Variants in SERPINI1 observed in about 807,000 individuals in gnomAD.
SERPINI1 encodes neuroserpin.
SERPINI1 carries 19 observed loss-of-function variants against 41.1 expected under a neutral mutation model. The ratio of observed to expected loss-of-function variants is 0.46; its 90% CI spans 0.32 to 0.68. The LOEUF (loss-of-function observed/expected upper bound fraction) is 0.68. Among genes scored for constraint, SERPINI1 ranks in the 30% least tolerant of loss-of-function variants. The probability of loss-of-function intolerance (pLI) is 0.03; values close to 1 mark genes in which losing one functional copy is unlikely to be tolerated. For missense variants in SERPINI1, 460 were observed against 479.2 expected (o/e 0.96, Z 0.37); for synonymous variants, 138 against 156.6 (o/e 0.88, Z 0.89).
At chr3:167,741,620 T>C (rs1358995561) in intron 1 of SERPINI1, among the ~76,000 whole-genome samples, 1 of 152,264 alleles carries the variant, frequency 6.6e-6, no homozygotes, top group Non-Finnish European at 1.5e-5. Flanking sequence ...TTGTGGTGTA[T>C]AATTTTTGCC....
At chr3:167,761,686 G>T (rs1726386926) in intron 1 of SERPINI1, among the ~76,000 whole-genome samples, 1 of 152,116 alleles carries the variant, frequency 6.6e-6, no homozygotes, top group African/African-American at 2.4e-5. Context: ...GCCCCATATG[G>T]TAAAACGTAG....
chr3:167,754,671 A>G (rs146033334), intron 1 of SERPINI1, among the ~76,000 whole-genome samples: 6 of 152,368 alleles, frequency 3.9e-5, no homozygotes, highest in East Asian at 3.9e-4. Context: ...TGTTAGAGGT[A>G]TAATCCAGAA....
At chr3:167,784,678 G>C (rs1727247623) in intron 1 of SERPINI1, among the ~76,000 whole-genome samples, 1 of 152,122 alleles carries the variant, frequency 6.6e-6, no homozygotes, top group Non-Finnish European at 1.5e-5. Context: ...AAAACCATCA[G>C]ATCTTGTGAA....
At chr3:167,753,987 G>A (rs1014165500) in intron 1 of SERPINI1, among the ~76,000 whole-genome samples, 2 of 152,132 alleles carry the variant, frequency 1.3e-5, no homozygotes, top group African/African-American at 4.8e-5. Context: ...TTTTTTAAAA[G>A]GGGGAGAGGA....
chr3:167,743,278 T>C (rs1274872678), intron 1 of SERPINI1, among the ~76,000 whole-genome samples: 1 of 152,122 alleles, frequency 6.6e-6, no homozygotes, highest in African/African-American at 2.4e-5. Context: ...ATTTCAAAAA[T>C]GTGAAAAATA....
intron 1 of SERPINI1, among the ~76,000 whole-genome samples, chr3:167,777,529 T>C (rs866424904): frequency 1.7e-4 from 26 of 152,262 alleles, no homozygotes; most frequent in Middle Eastern, 3.4e-3. Context: ...CAGGTGATGT[T>C]GTGGTCCAGG....
chr3:167,742,760 T>C (rs1228363556), intron 1 of SERPINI1, among the ~76,000 whole-genome samples: 1 of 152,090 alleles, frequency 6.6e-6, no homozygotes, highest in African/African-American at 2.4e-5. Context: ...GTCTGATGAC[T>C]AAAACCATGT....
At chr3:167,802,931 G>A (rs1332316632) in intron 5 of SERPINI1, among the ~76,000 whole-genome samples, 2 of 150,052 alleles carry the variant, frequency 1.3e-5, no homozygotes, top group Non-Finnish European at 3.0e-5. Context: ...TATACACCAC[G>A]GAATACTATG....
chr3:167,807,607 C>G (rs545899842), intron 6 of SERPINI1, among the ~76,000 whole-genome samples: 1 of 152,192 alleles, frequency 6.6e-6, no homozygotes, highest in South Asian at 2.1e-4. Flanking sequence ...TTTGGATTCC[C>G]CATCCCATCT....
chr3:167,781,262 TC>T (rs1727114963), intron 1 of SERPINI1, among the ~76,000 whole-genome samples: 1 of 151,992 alleles, frequency 6.6e-6, no homozygotes, highest in Non-Finnish European at 1.5e-5. Flanking sequence ...GATTCCAAAC[TC>T]CCAGTTTTCC....
At chr3:167,786,364 C>T (rs930007247) in intron 1 of SERPINI1, among the ~76,000 whole-genome samples, 11 of 151,968 alleles carry the variant, frequency 7.2e-5, no homozygotes, top group East Asian at 5.8e-4. Context: ...AAAAATTAGC[C>T]GGGCGTTGTG....
At chr3:167,738,009 CATTT>C in intron 1 of SERPINI1, among the ~76,000 whole-genome samples, 1 of 152,052 alleles carries the variant, frequency 6.6e-6, no homozygotes, top group East Asian at 1.9e-4. Context: ...AAATATATGG[CATTT>C]ATTTTTTACC....
At chr3:167,824,970 T>C (rs1712464898) in intron 8 of SERPINI1, among the ~76,000 whole-genome samples, 2 of 151,868 alleles carry the variant, frequency 1.3e-5, no homozygotes, top group Non-Finnish European at 2.9e-5. Flanking sequence ...ATGCTTGAGC[T>C]CAGGAGTTCA....
intron 1 of SERPINI1, among the ~76,000 whole-genome samples, chr3:167,785,077 C>CT (rs771893518): frequency 3.0e-4 from 46 of 152,144 alleles, no homozygotes; most frequent in Admixed American, 5.9e-4. Flanking sequence ...CCCGTCTCTA[C>CT]TAAAAATACA....
At chr3:167,759,541 A>AAT (rs1726311776) in intron 1 of SERPINI1, among the ~76,000 whole-genome samples, 1 of 151,898 alleles carries the variant, frequency 6.6e-6, no homozygotes, top group African/African-American at 2.4e-5. Flanking sequence ...TCAGATACCA[A>AAT]ATATTCTCAC....
At chr3:167,798,964 A>G (rs1727802836) in intron 5 of SERPINI1, among the ~76,000 whole-genome samples, 1 of 152,138 alleles carries the variant, frequency 6.6e-6, no homozygotes, top group Non-Finnish European at 1.5e-5. Context: ...ACAAACCTAC[A>G]TACGTATCCC....
chr3:167,815,685 C>T (rs891447780), intron 6 of SERPINI1, among the ~76,000 whole-genome samples: 7 of 152,106 alleles, frequency 4.6e-5, no homozygotes, highest in South Asian at 2.1e-4. Flanking sequence ...CCACTATGCC[C>T]GGCCTTCTTA....
At position 167,789,476 on chromosome 3, in the gene SERPINI1, G is replaced by T. The variant is rs899698742; in HGVS notation, c.250+98G>T. The T allele has an allele frequency of 1.3e-5, 19 of 1,415,846 alleles. 1 individual carries two copies. In the Admixed American group the frequency reaches 2.4e-4, roughly 18 times the overall value. The allele number at this position is 1,415,846 out of a possible 1,614,324, so 87.7% of individuals were successfully genotyped here. A position where few individuals can be genotyped will look rare whatever the true frequency, so the allele number is the denominator to read the frequency against. ...CTAGACACAGCAATATTTACACAGGGTAAAAAACAATCTCATTGAAATGGT... is the reference window on the plus strand; with the variant it reads ...CTAGACACAGCAATATTTACACAGGTTAAAAAACAATCTCATTGAAATGGT... On this transcript the variant is annotated intron_variant, in intron 2 of 8. Transcript: ENST00000446050.
intron 1 of SERPINI1, among the ~76,000 whole-genome samples, chr3:167,740,228 C>T (rs1227426621): frequency 6.6e-6 from 1 of 152,054 alleles, no homozygotes; most frequent in Non-Finnish European, 1.5e-5. Context: ...ATAAGGGTCT[C>T]ACTGTGTTGC....
Sources: allele counts gnomAD v4.1 joint callset (sites outside exome capture counted in the v4.1 genomes callset), GRCh38; gene constraint gnomAD v4.1.1; transcripts MANE v1.5; gene names NCBI Gene and HGNC (gene_info 2026-07-23, HGNC 2026-07-21).